RBMS3: variants seen among roughly 807,000 people sequenced by gnomAD.
RBMS3 encodes the protein RNA binding motif single stranded interacting protein 3, also known as RNA-binding motif, single-stranded-interacting protein 3.
In RBMS3, 27 loss-of-function variants were observed where a neutral mutation model predicts 66.8. That is an observed-to-expected ratio of 0.40 (90% CI 0.30 to 0.56). The LOEUF is 0.56. RBMS3 is among the 20% of genes least tolerant of loss of function. RBMS3 has a pLI of 0.40. For synonymous variants in RBMS3, 188 were observed against 183.0 expected (o/e 1.03, Z -0.22); for missense variants, 513 against 549.5 (o/e 0.93, Z 0.66).
intron 4 of RBMS3, among the ~76,000 whole-genome samples, chr3:29,590,563 T>C (rs756223823): frequency 1.3e-5 from 2 of 151,814 alleles, no homozygotes; most frequent in Non-Finnish European, 2.9e-5. Context: ...GAATGAAGAT[T>C]GAATAAAAAA....
At chr3:29,624,258 A>C (rs1416488197) in intron 4 of RBMS3, among the ~76,000 whole-genome samples, 1 of 152,216 alleles carries the variant, frequency 6.6e-6, no homozygotes, top group East Asian at 1.9e-4. Context: ...GAAGTTATTC[A>C]TGATTTAATT....
chr3:29,698,680 T>C (rs2149284185), intron 4 of RBMS3: 2 of 919,120 alleles, frequency 2.2e-6, no homozygotes, highest in East Asian at 1.2e-4. Flanking sequence ...TTTTAAAGTA[T>C]TGAAAATTCT....
intron 4 of RBMS3, among the ~76,000 whole-genome samples, chr3:29,728,555 G>C (rs527292456): frequency 5.3e-5 from 8 of 152,256 alleles, no homozygotes; most frequent in Admixed American, 1.3e-4. Flanking sequence ...AGGCAAGACA[G>C]TATCACCTAG....
At position 29,621,753 on chromosome 3, in the gene RBMS3, G is replaced by A. The variant is rs998693; in HGVS notation, c.399+34548G>A. The stretch of plus-strand genomic sequence containing the variant: ...TGTGGCAGTAAAATGTATGCACAAT[G>A]CCATTTAAACAACAGAAAAAAAAGG... On this transcript the variant is annotated intron_variant, in intron 4 of 14. Coordinates refer to ENST00000383767, the MANE Select transcript of RBMS3 (RefSeq NM_001003793.3). 5.9e-3 allele frequency among the ~76,000 whole-genome samples: 891 copies of A among 151,564 alleles called. 10 individuals are homozygous for A. The highest frequency in any genetic ancestry group is 0.037 in the East Asian group (192 of 5,146).
intron 14 of RBMS3, 100 bp from the exon 15 acceptor site, chr3:30,003,756 G>C (rs1161114525): frequency 1.1e-5 from 9 of 785,092 alleles, no homozygotes; most frequent in Non-Finnish European, 1.7e-5. Context: ...TACATTGAAA[G>C]CTTGGTATCT....
intron 4 of RBMS3, among the ~76,000 whole-genome samples, chr3:29,647,066 C>T (rs915873787): frequency 1.5e-4 from 23 of 152,132 alleles, no homozygotes; most frequent in Non-Finnish European, 3.1e-4. Flanking sequence ...CAACCTCCAC[C>T]TCCCAGGTTC....
intron 3 of RBMS3, among the ~76,000 whole-genome samples, chr3:29,571,728 T>C (rs2046960347): frequency 1.3e-5 from 2 of 152,164 alleles, no homozygotes; most frequent in African/African-American, 4.8e-5. Context: ...GTTTAGTTCT[T>C]TTTGCTTAGA....
At chr3:29,965,081 C>G (rs1696737065) in intron 12 of RBMS3, among the ~76,000 whole-genome samples, 1 of 152,106 alleles carries the variant, frequency 6.6e-6, no homozygotes, top group South Asian at 2.1e-4. Context: ...AGTATTCTAT[C>G]ATATATACAT....
chr3:29,735,672 C>A (rs555909519), intron 4 of RBMS3, among the ~76,000 whole-genome samples: 1 of 152,258 alleles, frequency 6.6e-6, no homozygotes, highest in Non-Finnish European at 1.5e-5. Context: ...GTGAATAAAA[C>A]AAGGAACTCA....
intron 14 of RBMS3, among the ~76,000 whole-genome samples, chr3:30,000,818 CATAAGTGGGAGTTGA>C (rs1232787101): frequency 1.3e-5 from 2 of 152,028 alleles, no homozygotes; most frequent in African/African-American, 4.8e-5. Context: ...TATTCTCACT[CATAAGTGGGAGTTGA>C]ACAGTGAGAA....
chr3:29,455,709 T>A (rs1250414474), intron 2 of RBMS3, among the ~76,000 whole-genome samples: 1 of 151,918 alleles, frequency 6.6e-6, no homozygotes, highest in Non-Finnish European at 1.5e-5. Context: ...CTCAGGAAGG[T>A]GCATCCTAGC....
At chr3:29,894,160 G>A (rs931110679) in intron 8 of RBMS3, among the ~76,000 whole-genome samples, 7 of 151,496 alleles carry the variant, frequency 4.6e-5, no homozygotes, top group African/African-American at 1.5e-4. Context: ...CAATGTAGCC[G>A]ATTCTGGTAA....
At chr3:29,882,274 C>A (rs1322913173) in intron 7 of RBMS3, among the ~76,000 whole-genome samples, 1 of 152,138 alleles carries the variant, frequency 6.6e-6, no homozygotes, top group African/African-American at 2.4e-5. Flanking sequence ...AACTTAGAAT[C>A]TTTGTTCATC....
At chr3:29,984,961 G>A (rs1698272186) in intron 12 of RBMS3, among the ~76,000 whole-genome samples, 1 of 152,208 alleles carries the variant, frequency 6.6e-6, no homozygotes, top group Non-Finnish European at 1.5e-5. Context: ...TTCAGAGCCA[G>A]CAGGCAGGAA....
chr3:29,528,491 C>T (rs2045224142), intron 3 of RBMS3, among the ~76,000 whole-genome samples: 1 of 152,206 alleles, frequency 6.6e-6, no homozygotes, highest in Non-Finnish European at 1.5e-5. Context: ...ATACTAACCA[C>T]ATCAGCACAC....
At chr3:29,907,121 G>A (rs1483714505) in intron 10 of RBMS3, among the ~76,000 whole-genome samples, 1 of 151,972 alleles carries the variant, frequency 6.6e-6, no homozygotes, top group African/African-American at 2.4e-5. Context: ...TTCCCTTCCT[G>A]TTCATGGTTA....
chr3:29,833,355 GC>G (rs1225021602), intron 6 of RBMS3, among the ~76,000 whole-genome samples: 1 of 152,106 alleles, frequency 6.6e-6, no homozygotes, highest in African/African-American at 2.4e-5. Flanking sequence ...CTGGCAAATT[GC>G]CTTCAAAAGA....
chr3:29,618,032 T>C (rs1052415412), intron 4 of RBMS3, among the ~76,000 whole-genome samples: 2 of 152,208 alleles, frequency 1.3e-5, no homozygotes, highest in African/African-American at 2.4e-5. Context: ...TGTTCATGTA[T>C]GATGCTGTAA....
chr3:29,304,933 T>C (rs920199807), intron 1 of RBMS3, among the ~76,000 whole-genome samples: 1 of 151,952 alleles, frequency 6.6e-6, no homozygotes, highest in East Asian at 1.9e-4. Flanking sequence ...TAACAATATA[T>C]ATCCTCAGTG....
Sources: gnomAD v4.1 joint callset for allele counts (sites outside exome capture counted in the v4.1 genomes callset) on GRCh38, gnomAD v4.1.1 for gene constraint, MANE v1.5 for transcripts, NCBI Gene and HGNC (gene_info 2026-07-23, HGNC 2026-07-21) for gene names.